The following MRGBP variants were observed in gnomAD, a reference collection of about 807,000 sequenced individuals.
MRGBP encodes MRG/MORF4L-binding protein.
MRGBP carries 5 observed loss-of-function variants against 21.5 expected under a neutral mutation model. The ratio of observed to expected loss-of-function variants is 0.23; its 90% CI spans 0.12 to 0.49. The LOEUF (loss-of-function observed/expected upper bound fraction) is 0.49, where lower values mean the gene tolerates loss of function less well. Among genes scored for constraint, MRGBP ranks in the 20% least tolerant of loss-of-function variants. The pLI, the probability that MRGBP is intolerant of heterozygous loss-of-function variation, is 0.98. For missense variants in MRGBP, 227 were observed against 277.4 expected (o/e 0.82, Z 1.29); for synonymous variants, 118 against 104.4 (o/e 1.13, Z -0.79).
chr20:62,798,953 G>A, intron 3 of MRGBP, 22 bp from the exon 4 acceptor site: 2 of 1,613,422 alleles, frequency 1.2e-6, no homozygotes, highest in South Asian at 1.1e-5. Context: ...TTTTCGGTGA[G>A]CGTCAGCTGT....
chr20:62,796,545 G>A lies in MRGBP; in HGVS notation c.22G>A (p.Gly8Ser). 2.5e-6 allele frequency: 3 copies of A among 1,192,634 alleles called. No individual in the cohort carries two copies. The highest frequency in any genetic ancestry group is 2.1e-6 in the Non-Finnish European group (2 of 959,256). 73.9% of individuals were successfully genotyped at this position (1,192,634 alleles called of 1,614,324 possible). A position where few individuals can be genotyped will look rare whatever the true frequency, so the allele number is the denominator to read the frequency against. The stretch of plus-strand genomic sequence containing the variant: ...GGCCATGGGAGAGGCCGAGGTGGGC[G>A]GCGGGGGCGCCGCAGGCGACAAGGG... MGEAEVG[G>S]GGAAGDKGPG... The change falls in exon 1 of 5, where the codon GGC becomes AGC. Residue 8 changes from glycine (G) to serine (S), a missense_variant. Coordinates refer to ENST00000370487, the MANE Select transcript of MRGBP (RefSeq NM_018270.6).
rs1399358805 is a variant in MRGBP, at chr20:62,797,089, C to G, written c.149-21C>G. The G allele has an allele frequency of 4.4e-6, 7 of 1,582,996 alleles. No homozygotes were observed. The East Asian group carries it at 1.6e-4, about 37-fold the overall frequency. ...TCTCCTCACCGCTCACCGGTTATCCCGCCGCCCCTCCTCCCCTCAGGTGTG... is the reference window on the plus strand; with the variant it reads ...TCTCCTCACCGCTCACCGGTTATCCGGCCGCCCCTCCTCCCCTCAGGTGTG... On this transcript the variant is annotated intron_variant, in intron 1 of 4. Transcript: ENST00000370487.
chr20:62,796,569 G>T lies in MRGBP; in HGVS notation c.46G>T (p.Gly16Cys). ...CGGCGGGGGCGCCGCAGGCGACAAG[G>T]GCCCGGGGGAGGCGGCCACCAGCCC... is the stretch of plus-strand genomic sequence containing the variant. ...VGGGGAAGDK[G>C]PGEAATSPAE... Residue 16 changes from glycine to cysteine, a missense_variant, in exon 1 of 5, where the codon GGC (glycine) becomes TGC (cysteine). Around this residue, in one of 2 missense-constraint regions of MRGBP, gnomAD observed 65 missense variants for 49.7 expected, o/e 1.31. Coordinates refer to ENST00000370487, the MANE Select transcript of MRGBP (RefSeq NM_018270.6). The T allele has an allele frequency of 8.0e-7, 1 of 1,249,778 alleles. No homozygotes were observed. 77.4% of individuals were successfully genotyped at this position (1,249,778 alleles called of 1,614,324 possible). A position where few individuals can be genotyped will look rare whatever the true frequency, so the allele number is the denominator to read the frequency against.
chr20:62,799,096 C>T, intron 4 of MRGBP, 47 bp downstream of exon 4: 1 of 1,561,582 alleles, frequency 6.4e-7, no homozygotes, highest in South Asian at 1.1e-5. Flanking sequence ...GGGCTCAGCA[C>T]CCCAAGACTG....
chr20:62,799,374 G>A, intron 4 of MRGBP, 82 bp from the exon 5 acceptor site: 1 of 1,442,088 alleles, frequency 6.9e-7, no homozygotes, highest in East Asian at 2.3e-5. Flanking sequence ...GTGTCAGTAT[G>A]CAGATTTTTT....
At chr20:62,798,335 G>A (rs1458140422) in intron 2 of MRGBP, among the ~76,000 whole-genome samples, 1 of 152,168 alleles carries the variant, frequency 6.6e-6, no homozygotes, top group African/African-American at 2.4e-5. Flanking sequence ...GGCCCCGGTG[G>A]GTCTTCCTGA....
Position 62,796,677 on chromosome 20 carries a change from C to G in MRGBP, c.148+6C>G, listed in dbSNP as rs779204895. ...GCTGGGCCACAAGCCCGTCGGTGAGCGCCCAGGCTGCGGACGCGCGTGGGG... is the reference window on the plus strand; with the variant it reads ...GCTGGGCCACAAGCCCGTCGGTGAGGGCCCAGGCTGCGGACGCGCGTGGGG... On this transcript the variant is annotated splice_donor_region_variant and intron_variant, in intron 1 of 4. Coordinates refer to ENST00000370487, the MANE Select transcript of MRGBP (RefSeq NM_018270.6). 5 of 1,297,828 alleles carry G rather than the reference C, an allele frequency of 3.9e-6. No individual in the cohort carries two copies. In the South Asian group the frequency reaches 9.7e-5, roughly 25 times the overall value. 80.4% of individuals were successfully genotyped at this position (1,297,828 alleles called of 1,614,324 possible).
intron 2 of MRGBP, among the ~76,000 whole-genome samples, chr20:62,798,277 G>A (rs1210472555): frequency 1.3e-5 from 2 of 152,218 alleles, no homozygotes; most frequent in African/African-American, 4.8e-5. Context: ...GCCCACAGGT[G>A]TGTGTCACCA....
chr20:62,797,352 G>A (rs1600763745), intron 2 of MRGBP, 121 bp downstream of exon 2: 1 of 1,322,634 alleles, frequency 7.6e-7, no homozygotes, highest in East Asian at 2.9e-5. Flanking sequence ...GCTGGGCAGA[G>A]TAGAGGCCCC....
Position 62,796,572 on chromosome 20 carries a change from C to T in MRGBP, c.49C>T (p.Pro17Ser), listed in dbSNP as rs569960909. 7 of 1,254,482 alleles carry T rather than the reference C, an allele frequency of 5.6e-6. No homozygotes were observed. The highest frequency in any genetic ancestry group is 7.0e-6 in the Non-Finnish European group (7 of 995,800). The allele number at this position is 1,254,482 out of a possible 1,614,324, so 77.7% of individuals were successfully genotyped here. A position where few individuals can be genotyped will look rare whatever the true frequency, so the allele number is the denominator to read the frequency against. Residue 17 changes from proline to serine, a missense_variant, in exon 1 of 5, where the codon CCG becomes TCG. Pro to Ser is a moderately conservative substitution (Grantham distance 74). Around this residue, in one of 2 missense-constraint regions of MRGBP, gnomAD observed 65 missense variants for 49.7 expected, o/e 1.31. Coordinates refer to ENST00000370487, the MANE Select transcript of MRGBP (RefSeq NM_018270.6). ...GGGGAAGDKG[P>S]GEAATSPAEE... ...CGGGGGCGCCGCAGGCGACAAGGGC[C>T]CGGGGGAGGCGGCCACCAGCCCGGC...
At chr20:62,798,862 G>A (rs538209955) in intron 3 of MRGBP, 113 bp from the exon 4 acceptor site, 50 of 1,578,440 alleles carry the variant, frequency 3.2e-5, no homozygotes, top group South Asian at 2.9e-4. Flanking sequence ...GTGGCTGGAC[G>A]GAAGCTGAGG....
At chr20:62,797,549 T>C (rs943598697) in intron 2 of MRGBP, among the ~76,000 whole-genome samples, 1 of 152,204 alleles carries the variant, frequency 6.6e-6, no homozygotes, top group African/African-American at 2.4e-5. Flanking sequence ...TGGCTAGCTT[T>C]TCAGGGGCTC....
Position 62,796,585 on chromosome 20 carries a change from C to T in MRGBP, c.62C>T (p.Ala21Val), listed in dbSNP as rs1600762906. 1 of 1,268,574 alleles carries T rather than the reference C, an allele frequency of 7.9e-7. No homozygotes were observed. The highest frequency in any genetic ancestry group is 3.5e-5 in the East Asian group (1 of 28,452). 78.6% of individuals were successfully genotyped at this position (1,268,574 alleles called of 1,614,324 possible). Reference sequence around the variant, plus strand: ...GGCGACAAGGGCCCGGGGGAGGCGGCCACCAGCCCGGCGGAGGAGACAGTG... The same window carrying T: ...GGCGACAAGGGCCCGGGGGAGGCGGTCACCAGCCCGGCGGAGGAGACAGTG... ...AAGDKGPGEAATSPAEETVVW... is the reference protein window; with the variant it reads ...AAGDKGPGEAVTSPAEETVVW... Residue 21 changes from alanine to valine, a missense_variant, in exon 1 of 5, where the codon GCC becomes GTC. By Grantham distance (64) the Ala-to-Val change is moderately conservative. This residue lies in a region of MRGBP where 65 missense variants were observed against 49.7 expected (regional missense o/e 1.31). Transcript: ENST00000370487.
rs1307467188 is a variant in MRGBP, at chr20:62,800,687, T to G, written c.*1044T>G. 4 of 152,254 alleles carry G rather than the reference T, an allele frequency of 2.6e-5. No individual in the cohort carries two copies. The highest frequency in any genetic ancestry group is 9.6e-5 in the African/African-American group (4 of 41,460). 9.4% of individuals were successfully genotyped at this position (152,254 alleles called of 1,614,324 possible). A position where few individuals can be genotyped will look rare whatever the true frequency, so the allele number is the denominator to read the frequency against. ...CAAGATTTATAACTAAAGCATACAC[T>G]TAGATGACTTATTAACATTCACTTG... On this transcript the variant is annotated 3_prime_UTR_variant, in exon 5 of 5. Coordinates refer to ENST00000370487, the MANE Select transcript of MRGBP (RefSeq NM_018270.6).
Sources: allele counts gnomAD v4.1 joint callset (sites outside exome capture counted in the v4.1 genomes callset), GRCh38; gene constraint gnomAD v4.1.1; regional missense constraint gnomAD v4.1.1; transcripts MANE v1.5; gene names NCBI Gene and HGNC (gene_info 2026-07-23, HGNC 2026-07-21).